The following CSF2RA variants were observed in gnomAD, a reference collection of about 807,000 sequenced individuals.
The protein encoded by CSF2RA is granulocyte-macrophage colony-stimulating factor receptor subunit alpha.
A neutral mutation model predicts 51.6 loss-of-function variants in CSF2RA; 42 were observed. The observed-to-expected ratio is 0.81, with a 90% CI of 0.64 to 1.05. CSF2RA has a LOEUF of 1.05. Among genes scored for constraint, CSF2RA ranks in the 50% least tolerant of loss-of-function variants. CSF2RA has a pLI of 0.00. For missense variants in CSF2RA, 530 were observed against 501.1 expected (o/e 1.06, Z -0.55); for synonymous variants, 222 against 193.0 (o/e 1.15, Z -1.24).
At chrX:1,273,522 T>A (rs1226421570) in intron 1 of CSF2RA, among the ~76,000 whole-genome samples, 1 of 151,634 alleles carries the variant, frequency 6.6e-6, no homozygotes, top group Non-Finnish European at 1.5e-5. Flanking sequence ...AGAGATGGGG[T>A]TTCACTGTGA....
rs1443563028 is a variant in CSF2RA, at chrX:1,273,767, A to ATTT, written c.-90-978_-90-976dup. The stretch of plus-strand genomic sequence containing the variant: ...AGCTAATTTTTTTTTTTTTTTTTGT[A>ATTT]TTTTTTTTTTTTAGTAGAGATGGGG... On this transcript the variant is annotated intron_variant, in intron 1 of 12. Coordinates refer to ENST00000381529, the MANE Select transcript of CSF2RA (RefSeq NM_172245.4). 3.4e-4 allele frequency among the ~76,000 whole-genome samples: 45 copies of ATTT among 132,376 alleles called. 1 individual carries two copies. The highest frequency in any genetic ancestry group is 9.8e-4 in the African/African-American group (36 of 36,876). 86.8% of individuals were successfully genotyped at this position (132,376 alleles called of 152,430 possible). A position where few individuals can be genotyped will look rare whatever the true frequency, so the allele number is the denominator to read the frequency against.
chrX:1,288,440 C>T (rs2091019765), intron 4 of CSF2RA, 79 bp from the exon 5 acceptor site: 5 of 1,582,174 alleles, frequency 3.2e-6, no homozygotes, highest in Non-Finnish European at 4.3e-6. Flanking sequence ...CGAGATCACG[C>T]CACTGCACTC....
chrX:1,317,206 C>T, the CSF2RA span, among the ~76,000 whole-genome samples: 1 of 143,376 alleles, frequency 7.0e-6, no homozygotes, highest in Admixed American at 7.3e-5. Flanking sequence ...CCTCGGCCTC[C>T]CAAAGTGCTG....
intron 9 of CSF2RA, 49 bp from the exon 10 acceptor site, chrX:1,300,442 T>C: frequency 6.2e-7 from 1 of 1,608,566 alleles, no homozygotes; most frequent in Non-Finnish European, 8.5e-7. Flanking sequence ...GGCAACCTTT[T>C]CCTCCACACA....
chrX:1,314,979 C>T (rs1242680982), downstream of CSF2RA, among the ~76,000 whole-genome samples: 82 of 110,842 alleles, frequency 7.4e-4, no homozygotes, highest in African/African-American at 2.6e-3. Flanking sequence ...TGTGCCTGCC[C>T]AATCGCACTG....
chrX:1,303,494 C>T, intron 10 of CSF2RA: 1 of 456,544 alleles, frequency 2.2e-6, no homozygotes, highest in Non-Finnish European at 3.9e-6. Context: ...CCCGCCTCGG[C>T]CTCCCAAAGT....
At chrX:1,320,356 T>A in the CSF2RA span, among the ~76,000 whole-genome samples, 1 of 152,008 alleles carries the variant, frequency 6.6e-6, no homozygotes, top group Non-Finnish European at 1.5e-5. Context: ...GTCACAAAAC[T>A]TCCCCAGAGA....
chrX:1,317,568 AT>A, the CSF2RA span, among the ~76,000 whole-genome samples: 16,096 of 105,190 alleles, frequency 0.15, 1,539 homozygotes, highest in East Asian at 0.53. Context: ...TTTTTATTTT[AT>A]TTTATTTTTT....
At chrX:1,290,243 GTGTTT>G (rs1292912481) in intron 6 of CSF2RA, 89 bp from the exon 7 acceptor site, 21 of 1,002,586 alleles carry the variant, frequency 2.1e-5, no homozygotes, top group Middle Eastern at 2.3e-4. Context: ...TTGTGTTTTT[GTGTTT>G]TGTTTTGTGT....
At position 1,282,897 on chromosome X, in the gene CSF2RA, C is replaced by G. The variant is rs143197304; in HGVS notation, c.76+118C>G. 2.4e-3 allele frequency: 2,193 copies of G among 921,878 alleles called. 12 individuals are homozygous for G. The highest frequency in any genetic ancestry group is 0.015 in the African/African-American group (914 of 61,092). 57.1% of individuals were successfully genotyped at this position (921,878 alleles called of 1,614,324 possible). ...TTTCATCTCTAATGTTTATGAGGGA[C>G]CCAATAAGCACCAGCCAACCCACCA... On this transcript the variant is annotated intron_variant, in intron 3 of 12. Coordinates refer to ENST00000381529, the MANE Select transcript of CSF2RA (RefSeq NM_172245.4).
chrX:1,281,693 T>C lies in CSF2RA; in HGVS notation c.-26-985T>C, dbSNP rs768945768. On this transcript the variant is annotated intron_variant, in intron 2 of 12. Transcript: ENST00000381529. ...AACCAACTCCGGATCTTTTTACTGT[T>C]TCCATGATTTTGTCTTTTCCACAGT... is the stretch of plus-strand genomic sequence containing the variant. 3.9e-5 allele frequency among the ~76,000 whole-genome samples: 6 copies of C among 152,144 alleles called. No individual in the cohort carries two copies. The East Asian group carries it at 1.2e-3, about 29-fold the overall frequency.
At chrX:1,297,790 C>A in intron 9 of CSF2RA, among the ~76,000 whole-genome samples, 1 of 127,224 alleles carries the variant, frequency 7.9e-6, no homozygotes, top group African/African-American at 3.0e-5. Flanking sequence ...CGGTGGAACC[C>A]TACAGTCCCC....
At chrX:1,319,314 G>C in the CSF2RA span, among the ~76,000 whole-genome samples, 2 of 148,878 alleles carry the variant, frequency 1.3e-5, no homozygotes, top group East Asian at 4.0e-4. Flanking sequence ...AAATTTTTGA[G>C]ACAGCATCTT....
At chrX:1,287,552 TC>T (rs1569499971) in intron 4 of CSF2RA, among the ~76,000 whole-genome samples, 1 of 149,154 alleles carries the variant, frequency 6.7e-6, no homozygotes, top group African/African-American at 2.5e-5. Flanking sequence ...CAAGAGATTC[TC>T]CTGCCTCAGC....
chrX:1,296,348 G>A (rs867799008), intron 9 of CSF2RA, among the ~76,000 whole-genome samples: 50 of 103,578 alleles, frequency 4.8e-4, no homozygotes, highest in African/African-American at 1.6e-3. Flanking sequence ...GACCCCTGGC[G>A]GAACCCTACA....
the CSF2RA span, among the ~76,000 whole-genome samples, chrX:1,317,065 G>C: frequency 6.6e-6 from 1 of 151,584 alleles, no homozygotes; most frequent in East Asian, 1.9e-4. Flanking sequence ...TCCTGCCTCA[G>C]CCTCCCGAGT....
chrX:1,312,855 C>T (rs780159187), downstream of CSF2RA, among the ~76,000 whole-genome samples: 26 of 152,118 alleles, frequency 1.7e-4, no homozygotes, highest in South Asian at 1.2e-3. Flanking sequence ...GGCAGCCTTC[C>T]GGAACCTTCT....
At chrX:1,296,040 A>G (rs1446654402) in intron 9 of CSF2RA, among the ~76,000 whole-genome samples, 1 of 144,632 alleles carries the variant, frequency 6.9e-6, no homozygotes, top group Non-Finnish European at 1.5e-5. Flanking sequence ...CCTATTCATG[A>G]CCCCTAGCGT....
At chrX:1,321,458 G>A in the CSF2RA span, among the ~76,000 whole-genome samples, 4 of 151,084 alleles carry the variant, frequency 2.6e-5, no homozygotes, top group African/African-American at 9.7e-5. Context: ...GACAGAGTGA[G>A]ACTCCATCTC....
Sources: allele counts gnomAD v4.1 joint callset (sites outside exome capture counted in the v4.1 genomes callset), GRCh38; gene constraint gnomAD v4.1.1; transcripts MANE v1.5; gene names NCBI Gene and HGNC (gene_info 2026-07-23, HGNC 2026-07-21).